KDM6A: variants seen among roughly 807,000 people sequenced by gnomAD.
The protein encoded by KDM6A is lysine demethylase 6A.
In KDM6A, 11 loss-of-function variants were observed where a neutral mutation model predicts 117.6. The ratio of observed to expected loss-of-function variants is 0.09; its 90% CI spans 0.06 to 0.15. The LOEUF is 0.15. Ranked by LOEUF, KDM6A falls within the 10% of genes least tolerant of loss-of-function variation. The probability of loss-of-function intolerance (pLI) is 1.00; values close to 1 mark genes in which losing one functional copy is unlikely to be tolerated. For missense variants in KDM6A, 799 were observed against 1,077.3 expected (o/e 0.74, Z 3.62); for synonymous variants, 384 against 396.1 (o/e 0.97, Z 0.36).
intron 4 of KDM6A, among the ~76,000 whole-genome samples, chrX:44,989,122 G>T (rs1485770699): frequency 9.5e-6 from 1 of 105,203 alleles, no homozygotes; most frequent in African/African-American, 3.5e-5. Context: ...CCCCTCCCCA[G>T]CCTCACTGCT....
chrX:44,929,835 T>C (rs2036523079), intron 2 of KDM6A, among the ~76,000 whole-genome samples: 1 of 111,561 alleles, frequency 9.0e-6, no homozygotes, highest in Non-Finnish European at 1.9e-5. Context: ...CACTTTTTTT[T>C]TTTAACCTTT....
intron 6 of KDM6A, among the ~76,000 whole-genome samples, chrX:45,022,552 C>T (rs1440981455): frequency 8.9e-6 from 1 of 111,872 alleles, no homozygotes; most frequent in Non-Finnish European, 1.9e-5. Context: ...TGGGCATGAA[C>T]ATTTTTAGTC....
chrX:44,917,327 A>G (rs2035628459), intron 2 of KDM6A, among the ~76,000 whole-genome samples: 1 of 111,551 alleles, frequency 9.0e-6, no homozygotes, highest in Admixed American at 9.5e-5. Flanking sequence ...GAGCCCAGCC[A>G]TATTTTCTTG....
chrX:44,957,503 C>T (rs1289520453), intron 2 of KDM6A, among the ~76,000 whole-genome samples: 1 of 111,942 alleles, frequency 8.9e-6, no homozygotes, highest in Non-Finnish European at 1.9e-5. Context: ...CGTTACTTTT[C>T]TGGGATAGCT....
chrX:45,016,096 T>G (rs1159010032), intron 5 of KDM6A, among the ~76,000 whole-genome samples: 1 of 111,915 alleles, frequency 8.9e-6, no homozygotes, highest in Admixed American at 9.5e-5. Flanking sequence ...CCCCTAAATA[T>G]TAATATATTC....
rs10605935 is a variant in KDM6A at position 45,076,679 on chromosome X, C to CT, written c.2859-5dup. On this transcript the variant is annotated splice_polypyrimidine_tract_variant and intron_variant, in intron 18 of 29. Coordinates refer to ENST00000611820, the MANE Select transcript of KDM6A (RefSeq NM_001291415.2). ...CAAATAAATGTACAACTGATTATCC[C>CT]TTTTTTTTTTTTTCCAGGAATCTAG... 2.1e-3 allele frequency: 1,693 copies of CT among 820,574 alleles called. 11 individuals are homozygous for CT. The African/African-American group carries it at 0.031, about 15-fold the overall frequency. 67.6% of individuals were successfully genotyped at this position (820,574 alleles called of 1,213,427 possible).
chrX:44,974,616 T>C, intron 3 of KDM6A, 50 bp from the exon 4 acceptor site: 3 of 855,163 alleles, frequency 3.5e-6, no homozygotes, highest in East Asian at 3.1e-5. Context: ...AAGTGTATTA[T>C]TGACTTTAAA....
Position 45,061,393 on chromosome X carries a change from T to C in KDM6A, c.1555T>C (p.Trp519Arg). 2 of 1,170,363 alleles carry C rather than the reference T, an allele frequency of 1.7e-6. No homozygotes were observed. The highest frequency in any genetic ancestry group is 2.3e-6 in the Non-Finnish European group (2 of 860,968). The change falls in exon 15 of 30, where the codon TGG becomes CGG. Residue 519 changes from tryptophan to arginine, a missense_variant. This residue lies in a region of KDM6A where 301 missense variants were observed against 318.3 expected (regional missense o/e 0.95). Coordinates refer to ENST00000611820, the MANE Select transcript of KDM6A (RefSeq NM_001291415.2). ...TCCAGTACAGCAACAAGCTCATTCA[T>C]GGTGTTTGACACCACAGAAATTACA... ...HPPVQQQAHS[W>R]CLTPQKLQHL...
chrX:44,942,137 C>T (rs372411353), intron 2 of KDM6A, among the ~76,000 whole-genome samples: 5 of 109,043 alleles, frequency 4.6e-5, no homozygotes, highest in East Asian at 5.8e-4. Flanking sequence ...TGGGTTCAAG[C>T]GATTCTCCTG....
chrX:45,106,871 A>G (rs1000596191), intron 27 of KDM6A: 19 of 232,895 alleles, frequency 8.2e-5, no homozygotes, highest in African/African-American at 5.5e-4. Flanking sequence ...TTAAACGAAT[A>G]TTGTATCCTG....
chrX:44,937,005 G>A (rs1434957481), intron 2 of KDM6A, among the ~76,000 whole-genome samples: 1 of 111,266 alleles, frequency 9.0e-6, no homozygotes, highest in African/African-American at 3.3e-5. Context: ...TTGACCCTTC[G>A]CAAATTATTT....
chrX:44,959,907 A>T (rs2038573259), intron 2 of KDM6A, among the ~76,000 whole-genome samples: 1 of 111,623 alleles, frequency 9.0e-6, no homozygotes, highest in Non-Finnish European at 1.9e-5. Context: ...GTAGAACAGG[A>T]ATTGAAGACA....
chrX:44,932,797 T>C (rs1418602467), intron 2 of KDM6A, among the ~76,000 whole-genome samples: 2 of 111,741 alleles, frequency 1.8e-5, no homozygotes, highest in African/African-American at 6.5e-5. Context: ...ATGAGACTTA[T>C]CGTGAAAAAC....
At chrX:45,098,680 G>A (rs2046211975) in intron 27 of KDM6A, among the ~76,000 whole-genome samples, 1 of 112,117 alleles carries the variant, frequency 8.9e-6, no homozygotes, top group Non-Finnish European at 1.9e-5. Context: ...TAATACATTT[G>A]TAGCCCTCAG....
rs1313180980 is a variant in KDM6A, at chrX:44,887,880, C to T, written c.225+13893C>T. On this transcript the variant is annotated intron_variant, in intron 2 of 29. Transcript: ENST00000611820. ...TAGATTAGCTGGGCATGGTGGCATTCGTTTGTAGTTCCAGCTACATGGGAA... is the reference window on the plus strand; with the variant it reads ...TAGATTAGCTGGGCATGGTGGCATTTGTTTGTAGTTCCAGCTACATGGGAA... Among the ~76,000 whole-genome samples the T allele has an allele frequency of 4.5e-5, 5 of 111,362 alleles. No individual in the cohort carries two copies. In the East Asian group the frequency reaches 8.4e-4, roughly 19 times the overall value.
At chrX:44,960,011 A>G (rs922592182) in intron 2 of KDM6A, among the ~76,000 whole-genome samples, 4 of 111,824 alleles carry the variant, frequency 3.6e-5, no homozygotes, top group Admixed American at 9.5e-5. Flanking sequence ...TTGAATATTT[A>G]TGTGCTTAGG....
intron 27 of KDM6A, among the ~76,000 whole-genome samples, chrX:45,100,220 A>G (rs1213118317): frequency 9.0e-6 from 1 of 111,572 alleles, no homozygotes; most frequent in African/African-American, 3.3e-5. Flanking sequence ...TTTGAAAGGA[A>G]TCAAGTGTTA....
chrX:44,913,264 A>G (rs1417639673), intron 2 of KDM6A, among the ~76,000 whole-genome samples: 1 of 108,682 alleles, frequency 9.2e-6, no homozygotes, highest in Non-Finnish European at 1.9e-5. Context: ...GTAAGAATAC[A>G]GTATATAATA....
At chrX:45,010,842 G>T (rs916078473) in intron 4 of KDM6A, 119 bp from the exon 5 acceptor site, 2 of 511,327 alleles carry the variant, frequency 3.9e-6, no homozygotes, top group African/African-American at 4.7e-5. Flanking sequence ...AAAATATATT[G>T]TAATGCATGA....
Sources: allele counts gnomAD v4.1 joint callset (sites outside exome capture counted in the v4.1 genomes callset), GRCh38; gene constraint gnomAD v4.1.1; regional missense constraint gnomAD v4.1.1; transcripts MANE v1.5; gene names NCBI Gene and HGNC (gene_info 2026-07-23, HGNC 2026-07-21).